The following MINDY3 variants were observed in gnomAD, a reference collection of about 807,000 sequenced individuals.
The protein encoded by MINDY3 is ubiquitin carboxyl-terminal hydrolase MINDY-3.
Under a neutral mutation model 69.2 loss-of-function variants are expected in MINDY3, and 38 were observed. The ratio of observed to expected loss-of-function variants is 0.55; its 90% CI spans 0.42 to 0.72. The LOEUF is 0.72. Among genes scored for constraint, MINDY3 ranks in the 30% least tolerant of loss-of-function variants. The probability of loss-of-function intolerance (pLI) is 0.00; values close to 1 mark genes in which losing one functional copy is unlikely to be tolerated. For synonymous variants in MINDY3, 192 were observed against 180.1 expected (o/e 1.07, Z -0.53); for missense variants, 522 against 519.0 (o/e 1.01, Z -0.06).
In MINDY3 at chr10:15,778,611, A is replaced by G. The variant is rs1234365960; in HGVS notation, c.*381T>C. 1.3e-5 allele frequency: 2 copies of G among 157,546 alleles called. No homozygotes were observed. The highest frequency in any genetic ancestry group is 4.8e-5 in the African/African-American group (2 of 41,576). The allele number at this position is 157,546 out of a possible 1,614,324, so 9.8% of individuals were successfully genotyped here. A position where few individuals can be genotyped will look rare whatever the true frequency, so the allele number is the denominator to read the frequency against. On this transcript the variant is annotated 3_prime_UTR_variant, in exon 15 of 15. Coordinates refer to ENST00000277632, the MANE Select transcript of MINDY3 (RefSeq NM_024948.4). ...ATTACAAGCCGGAATCATTCAAACA[A>G]TAAAAAAAGTGCCTCAATGAAATAA...
At chr10:15,802,401 T>C (rs12221218) in intron 10 of MINDY3, among the ~76,000 whole-genome samples, 29,116 of 152,008 alleles carry the variant, frequency 0.19, 3,093 homozygotes, top group South Asian at 0.26. Context: ...GCAAGCACCT[T>C]CTTCACAAGG....
chr10:15,859,334 T>C (rs946255279), intron 1 of MINDY3, among the ~76,000 whole-genome samples: 1 of 152,196 alleles, frequency 6.6e-6, no homozygotes, highest in Non-Finnish European at 1.5e-5. Flanking sequence ...AATAGTGTTT[T>C]ACATACATAA....
chr10:15,811,612 T>C (rs1839004180), intron 10 of MINDY3, among the ~76,000 whole-genome samples: 1 of 152,144 alleles, frequency 6.6e-6, no homozygotes, highest in Admixed American at 6.6e-5. Flanking sequence ...TCATGAAAAA[T>C]GAATAGAACT....
rs1018278107 is a variant in MINDY3, at chr10:15,778,362, T to A, written c.*630A>T. 4 of 152,226 alleles carry A rather than the reference T, an allele frequency of 2.6e-5. No homozygotes were observed. Among genetic ancestry groups the A allele is most frequent in the African/African-American group, 9.6e-5 (4 of 41,470 alleles). 9.4% of individuals were successfully genotyped at this position (152,226 alleles called of 1,614,324 possible). ...AATTACACAGTAAAAGTTAACAGTG[T>A]TGACTATCAGATTCTCTTTTCTGTC... is the stretch of plus-strand genomic sequence containing the variant. On this transcript the variant is annotated 3_prime_UTR_variant, in exon 15 of 15. Transcript: ENST00000277632.
chr10:15,831,682 T>C lies in MINDY3; in HGVS notation c.730+1948A>G, dbSNP rs929818856. 1.5e-4 allele frequency among the ~76,000 whole-genome samples: 22 copies of C among 149,600 alleles called. 1 individual carries two copies. The highest frequency in any genetic ancestry group is 2.5e-4 in the Non-Finnish European group (17 of 67,324). On this transcript the variant is annotated intron_variant, in intron 8 of 14. Transcript: ENST00000277632. ...TAAGGAGCCTCCTTTTCTTTTTTTT[T>C]TTTTTTTTTTTGAGATGGAGTCTCG...
chr10:15,845,051 C>T lies in MINDY3; in HGVS notation c.175-1779G>A, dbSNP rs1396186373. On this transcript the variant is annotated intron_variant, in intron 2 of 14. Transcript: ENST00000277632. ...AATATCCCTTTATTGCTAATATTTA[C>T]TGCAAATATTTCTTAGTTTGGAAGT... Among the ~76,000 whole-genome samples, 4 of 150,950 alleles carry T rather than the reference C, an allele frequency of 2.6e-5. No individual in the cohort carries two copies. The East Asian group carries it at 7.7e-4, about 29-fold the overall frequency.
intron 2 of MINDY3, among the ~76,000 whole-genome samples, chr10:15,844,706 C>A (rs1833708363): frequency 1.3e-5 from 2 of 152,160 alleles, no homozygotes; most frequent in Admixed American, 6.5e-5. Flanking sequence ...AGAATCTGCA[C>A]TGTCATGGTT....
chr10:15,786,331 T>A (rs937618725), intron 13 of MINDY3, among the ~76,000 whole-genome samples: 4 of 152,140 alleles, frequency 2.6e-5, no homozygotes, highest in Admixed American at 6.5e-5. Context: ...CGTATCATTA[T>A]GTGTATAGAC....
intron 1 of MINDY3, among the ~76,000 whole-genome samples, chr10:15,857,703 C>T (rs919146726): frequency 2.0e-5 from 3 of 151,960 alleles, no homozygotes; most frequent in Non-Finnish European, 4.4e-5. Flanking sequence ...AAAAACACCC[C>T]GCATTTTTTA....
intron 2 of MINDY3, among the ~76,000 whole-genome samples, chr10:15,845,105 C>T (rs1833736466): frequency 6.6e-6 from 1 of 152,248 alleles, no homozygotes; most frequent in South Asian, 2.1e-4. Flanking sequence ...GTTGATGATA[C>T]ATTAAGTTTC....
intron 1 of MINDY3, among the ~76,000 whole-genome samples, chr10:15,850,725 C>T (rs1417406294): frequency 6.6e-6 from 1 of 152,084 alleles, no homozygotes; most frequent in African/African-American, 2.4e-5. Context: ...TCTAATTTTG[C>T]CCTGGTCCTG....
intron 10 of MINDY3, among the ~76,000 whole-genome samples, chr10:15,803,609 C>CTCTA (rs1387310520): frequency 6.6e-6 from 1 of 152,086 alleles, no homozygotes; most frequent in Admixed American, 6.6e-5. Context: ...AGTATATTTT[C>CTCTA]TCTATCTAAC....
rs145286799 is a variant in MINDY3 at position 15,837,263 on chromosome 10, A to C, written c.517T>G (p.Ser173Ala). 55 of 1,609,112 alleles carry C rather than the reference A, an allele frequency of 3.4e-5. No individual in the cohort carries two copies. Among genetic ancestry groups the C allele is most frequent in the Non-Finnish European group, 3.2e-5 (38 of 1,177,434 alleles). ...ACTCCAAATTTATTTCCCCACATTGAATACTGGTCCAAGACAGCATCTTTT... is the reference window on the plus strand; with the variant it reads ...ACTCCAAATTTATTTCCCCACATTGCATACTGGTCCAAGACAGCATCTTTT... ...ELKDAVLDQY[S>A]MWGNKFGVLL... is the part of the protein sequence containing the mutation. The change falls in exon 6 of 15, where the codon TCA becomes GCA. Residue 173 changes from serine to alanine, a missense_variant. Transcript: ENST00000277632.
At chr10:15,853,817 G>A (rs1834490060) in intron 1 of MINDY3, among the ~76,000 whole-genome samples, 1 of 151,718 alleles carries the variant, frequency 6.6e-6, no homozygotes, top group South Asian at 2.1e-4. Context: ...GTATCTGGCT[G>A]ACATTTTCTC....
intron 4 of MINDY3, among the ~76,000 whole-genome samples, chr10:15,840,313 T>C (rs774510570): frequency 2.6e-4 from 39 of 151,778 alleles, no homozygotes; most frequent in Non-Finnish European, 3.0e-4. Context: ...CTCTAAAATA[T>C]GTTAAGTTCT....
intron 11 of MINDY3, among the ~76,000 whole-genome samples, chr10:15,795,331 A>AT (rs1454841374): frequency 6.6e-6 from 1 of 152,026 alleles, no homozygotes; most frequent in Non-Finnish European, 1.5e-5. Context: ...CATGACATGG[A>AT]TTTTCAGAGA....
At chr10:15,795,976 C>A in intron 11 of MINDY3, 124 bp downstream of exon 11, 1 of 774,320 alleles carries the variant, frequency 1.3e-6, no homozygotes, top group Non-Finnish European at 2.1e-6. Flanking sequence ...TTAAAATGTT[C>A]AAGAAACACA....
At chr10:15,815,797 C>T (rs1839315001) in intron 10 of MINDY3, among the ~76,000 whole-genome samples, 2 of 152,050 alleles carry the variant, frequency 1.3e-5, no homozygotes, top group African/African-American at 2.4e-5. Context: ...TTATGAATCC[C>T]TATTTTAAAG....
chr10:15,808,587 C>T (rs1279150135), intron 10 of MINDY3, among the ~76,000 whole-genome samples: 1 of 152,154 alleles, frequency 6.6e-6, no homozygotes, highest in Non-Finnish European at 1.5e-5. Context: ...ACAGATCCCA[C>T]TGGAAGAACA....
Sources: gnomAD v4.1 joint callset for allele counts (sites outside exome capture counted in the v4.1 genomes callset) on GRCh38, gnomAD v4.1.1 for gene constraint, MANE v1.5 for transcripts, NCBI Gene and HGNC (gene_info 2026-07-23, HGNC 2026-07-21) for gene names.